The following ESR2 variants were observed in gnomAD, a reference collection of about 807,000 sequenced individuals.
The protein encoded by ESR2 is estrogen receptor 2, also known as estrogen receptor beta.
A neutral mutation model predicts 49.6 loss-of-function variants in ESR2; 36 were observed. That is an observed-to-expected ratio of 0.73 (90% confidence interval 0.56 to 0.96). The LOEUF is 0.96. ESR2 is among the 40% of genes least tolerant of loss of function. The probability of loss-of-function intolerance (pLI) is 0.00; values close to 1 mark genes in which losing one functional copy is unlikely to be tolerated. For missense variants in ESR2, 714 were observed against 693.0 expected (o/e 1.03, Z -0.34); for synonymous variants, 320 against 266.1 (o/e 1.20, Z -1.97).
rs1321760606 is a variant in ESR2, at chr14:64,228,467, A to G, written c.*4670T>C. 6.6e-6 allele frequency among the ~76,000 whole-genome samples: 1 copy of G among 152,230 alleles called. No homozygotes were observed. The highest frequency in any genetic ancestry group is 1.5e-5 in the Non-Finnish European group (1 of 68,036). ...AATCTGCTTTCACAGAGCAGCAAAC[A>G]TTCATTTCTACAAGGCCCAAATGTA... On this transcript the variant is annotated 3_prime_UTR_variant, in exon 9 of 9. Transcript: ENST00000341099.
chr14:64,316,033 G>T (rs2077250954), intron 1 of ESR2, among the ~76,000 whole-genome samples: 1 of 150,100 alleles, frequency 6.7e-6, no homozygotes, highest in Non-Finnish European at 1.5e-5. Context: ...TTTTTTAGAG[G>T]CAGTGTCTCA....
chr14:64,251,564 T>C (rs1190981122), intron 6 of ESR2, among the ~76,000 whole-genome samples: 1 of 152,204 alleles, frequency 6.6e-6, no homozygotes, highest in African/African-American at 2.4e-5. Flanking sequence ...TATGCCATTT[T>C]CACTGCAAAT....
At position 64,310,911 on chromosome 14, in the gene ESR2, C is replaced by A. The variant is rs555996601; in HGVS notation, c.-91+26987G>T. On this transcript the variant is annotated intron_variant, in intron 1 of 8. Coordinates refer to the ESR2 transcript ENST00000358599. Reference sequence around the variant, plus strand: ...TGATTTCAAAATATCATTTATATCTCATTTATAGTATATTCAAAATACTTA... The same window carrying A: ...TGATTTCAAAATATCATTTATATCTAATTTATAGTATATTCAAAATACTTA... 7.2e-5 allele frequency among the ~76,000 whole-genome samples: 11 copies of A among 152,268 alleles called. No individual in the cohort carries two copies. The South Asian group carries it at 2.3e-3, about 32-fold the overall frequency.
chr14:64,316,680 G>T (rs1035809523), intron 1 of ESR2, among the ~76,000 whole-genome samples: 1 of 151,862 alleles, frequency 6.6e-6, no homozygotes, highest in Non-Finnish European at 1.5e-5. Context: ...ATGGTGGCAC[G>T]CACCTGTGGT....
chr14:64,239,347 A>G (rs574550171), intron 7 of ESR2, among the ~76,000 whole-genome samples: 7 of 152,226 alleles, frequency 4.6e-5, no homozygotes, highest in Non-Finnish European at 8.8e-5. Context: ...CTCTCCCTAT[A>G]AACTCAGAGG....
intron 3 of ESR2, among the ~76,000 whole-genome samples, chr14:64,273,848 A>T (rs1051086242): frequency 6.6e-6 from 1 of 151,682 alleles, no homozygotes; most frequent in African/African-American, 2.4e-5. Flanking sequence ...ATTTTTCAGA[A>T]TTGTTTGAAT....
In ESR2 at chr14:64,231,388, G is replaced by A. The variant is rs1212055133; in HGVS notation, c.*1749C>T. 1 of 152,094 alleles carries A rather than the reference G, an allele frequency of 6.6e-6. No homozygotes were observed. Among genetic ancestry groups the A allele is most frequent in the Non-Finnish European group, 1.5e-5 (1 of 68,032 alleles). 9.4% of individuals were successfully genotyped at this position (152,094 alleles called of 1,614,324 possible). On this transcript the variant is annotated 3_prime_UTR_variant, in exon 9 of 9. Transcript: ENST00000341099. ...AAGCTGACACTAACACTGGTTCCCT[G>A]GTTCCTATGAAACCAAGCTTATCCT...
At chr14:64,257,960 T>TA (rs1424865419) in intron 5 of ESR2, among the ~76,000 whole-genome samples, 1 of 152,180 alleles carries the variant, frequency 6.6e-6, no homozygotes, top group Admixed American at 6.5e-5. Flanking sequence ...AGCACACCTG[T>TA]AATCCCAGCA....
In ESR2 at chr14:64,228,415, C is replaced by T. The variant is rs1281481821; in HGVS notation, c.*4722G>A. Among the ~76,000 whole-genome samples, 1 of 152,154 alleles carries T rather than the reference C, an allele frequency of 6.6e-6. No individual in the cohort carries two copies. Among genetic ancestry groups the T allele is most frequent in the Non-Finnish European group, 1.5e-5 (1 of 68,036 alleles). ...AAGGGACACAGTAAGGAAAACACTCCCTGGAGGAAGGGAAAGCAGGTCTCA... is the reference window on the plus strand; with the variant it reads ...AAGGGACACAGTAAGGAAAACACTCTCTGGAGGAAGGGAAAGCAGGTCTCA... On this transcript the variant is annotated 3_prime_UTR_variant, in exon 9 of 9. Coordinates refer to ENST00000341099, the MANE Select transcript of ESR2 (RefSeq NM_001437.3).
chr14:64,316,309 C>T (rs990339779), intron 1 of ESR2, among the ~76,000 whole-genome samples: 1 of 151,970 alleles, frequency 6.6e-6, no homozygotes, highest in Non-Finnish European at 1.5e-5. Context: ...CAGTGCCCAG[C>T]CAGAATTTAT....
At chr14:64,248,256 G>C (rs2075908723) in intron 7 of ESR2, among the ~76,000 whole-genome samples, 1 of 151,996 alleles carries the variant, frequency 6.6e-6, no homozygotes, top group Non-Finnish European at 1.5e-5. Flanking sequence ...GTAAATTCCA[G>C]AACTTTGGGA....
intron 4 of ESR2, among the ~76,000 whole-genome samples, chr14:64,260,987 C>T (rs2076210623): frequency 6.6e-6 from 1 of 150,606 alleles, no homozygotes; most frequent in South Asian, 2.1e-4. Flanking sequence ...TGTTTCCAAA[C>T]CATGAAATTA....
intron 4 of ESR2, among the ~76,000 whole-genome samples, chr14:64,265,796 A>G (rs2076317876): frequency 6.6e-6 from 1 of 152,212 alleles, no homozygotes; most frequent in Non-Finnish European, 1.5e-5. Flanking sequence ...TCAGAAGAAA[A>G]GGGTGATAAC....
chr14:64,334,447 G>C (rs1055634722), intron 1 of ESR2, among the ~76,000 whole-genome samples: 1 of 152,194 alleles, frequency 6.6e-6, no homozygotes, highest in Non-Finnish European at 1.5e-5. Context: ...AGCACTGTTT[G>C]ATATGTTCTC....
chr14:64,282,571 A>G, intron 2 of ESR2, 53 bp downstream of exon 2: 1 of 1,515,582 alleles, frequency 6.6e-7, no homozygotes, highest in Middle Eastern at 1.8e-4. Flanking sequence ...TCAACCATAA[A>G]GTGATTTGAG....
chr14:64,267,526 A>G (rs558373306), intron 4 of ESR2, among the ~76,000 whole-genome samples: 18 of 152,258 alleles, frequency 1.2e-4, no homozygotes, highest in African/African-American at 4.3e-4. Context: ...CTAATCTGTT[A>G]CATACACAGA....
At chr14:64,259,139 C>T (rs2076161384) in intron 5 of ESR2, among the ~76,000 whole-genome samples, 1 of 152,194 alleles carries the variant, frequency 6.6e-6, no homozygotes, top group Admixed American at 6.5e-5. Context: ...TCAGTATTGC[C>T]TCCCCTGGGA....
At chr14:64,244,296 A>C (rs2075802694) in intron 7 of ESR2, among the ~76,000 whole-genome samples, 1 of 152,098 alleles carries the variant, frequency 6.6e-6, no homozygotes, top group Admixed American at 6.6e-5. Context: ...GCTACTCTGG[A>C]AGCTGAGGCA....
rs59020260 is a variant in ESR2 at position 64,256,014 on chromosome 14, G to T, written c.1091+1212C>A. On this transcript the variant is annotated intron_variant, in intron 6 of 8. Transcript: ENST00000341099. ...TCACTCTTCATCTGTGTAACACAGG[G>T]TCTTCTGATGATCTAAAGTGGTAAC... Among the ~76,000 whole-genome samples the T allele has an allele frequency of 2.8e-3, 420 of 152,328 alleles. 5 individuals carry two copies. The highest frequency in any genetic ancestry group is 9.8e-3 in the African/African-American group (409 of 41,576).
Sources: gnomAD v4.1 joint callset for allele counts (sites outside exome capture counted in the v4.1 genomes callset) on GRCh38, gnomAD v4.1.1 for gene constraint, MANE v1.5 for transcripts, NCBI Gene and HGNC (gene_info 2026-07-23, HGNC 2026-07-21) for gene names.